Variants in TASP1 observed in about 807,000 individuals in gnomAD.
The protein encoded by TASP1 is taspase 1, also known as threonine aspartase 1.
TASP1 carries 16 observed loss-of-function variants against 56.6 expected under a neutral mutation model. That is an observed-to-expected ratio of 0.28 (90% confidence interval 0.19 to 0.43). TASP1 has a LOEUF of 0.43. Ranked by LOEUF, TASP1 falls within the 20% of genes least tolerant of loss-of-function variation. The pLI, the probability that TASP1 is intolerant of heterozygous loss-of-function variation, is 1.00. For synonymous variants in TASP1, 179 were observed against 184.2 expected, an observed-to-expected ratio of 0.97 and a Z score of 0.23; for missense variants, 393 against 511.6, an observed-to-expected ratio of 0.77 and a Z score of 2.24.
At chr20:13,158,368 G>A in the TASP1 span, among the ~76,000 whole-genome samples, 4 of 152,088 alleles carry the variant, frequency 2.6e-5, no homozygotes, top group Admixed American at 6.5e-5. Context: ...CCAGGGAGAC[G>A]CCAGGTTAGA....
intron 11 of TASP1, among the ~76,000 whole-genome samples, chr20:13,443,908 GGAGTA>G (rs2043306826): frequency 6.6e-6 from 1 of 152,164 alleles, no homozygotes; most frequent in South Asian, 2.1e-4. Context: ...CAAGGCCAGT[GGAGTA>G]GAGTTAGGAT....
the TASP1 span, among the ~76,000 whole-genome samples, chr20:13,152,382 A>G: frequency 1.2e-3 from 188 of 152,276 alleles, 1 homozygote; most frequent in South Asian, 2.5e-3. Context: ...TGAATTACTC[A>G]TGACACATTT....
chr20:13,539,764 G>A (rs370833471), intron 8 of TASP1, among the ~76,000 whole-genome samples: 3 of 152,142 alleles, frequency 2.0e-5, no homozygotes, highest in Non-Finnish European at 2.9e-5. Flanking sequence ...AGCAAAGGAC[G>A]ATGTTTTCTA....
At chr20:13,172,245 T>C in the TASP1 span, among the ~76,000 whole-genome samples, 1 of 152,158 alleles carries the variant, frequency 6.6e-6, no homozygotes, top group South Asian at 2.1e-4. Context: ...CTTCATAAAA[T>C]TTTTACTATC....
intron 5 of TASP1, among the ~76,000 whole-genome samples, chr20:13,586,070 G>T (rs1415325543): frequency 1.3e-5 from 2 of 151,214 alleles, no homozygotes; most frequent in African/African-American, 4.9e-5. Context: ...AGGAGGCAGA[G>T]GTTGCAGTGA....
chr20:13,244,110 T>C, the TASP1 span: 1 of 152,184 alleles, frequency 6.6e-6, no homozygotes, highest in South Asian at 2.1e-4. Flanking sequence ...CCAAACAAGG[T>C]ACTTTGCTAT....
chr20:13,497,841 A>G (rs569587182), intron 10 of TASP1, among the ~76,000 whole-genome samples: 21 of 152,316 alleles, frequency 1.4e-4, no homozygotes, highest in South Asian at 2.1e-4. Context: ...ATACACCTAC[A>G]ACCATCTGAC....
chr20:13,158,771 T>C, the TASP1 span, among the ~76,000 whole-genome samples: 5 of 152,168 alleles, frequency 3.3e-5, no homozygotes, highest in Non-Finnish European at 1.5e-5. Context: ...GCAGTCTCCA[T>C]TGCTTCATCT....
intron 11 of TASP1, among the ~76,000 whole-genome samples, chr20:13,443,530 C>G (rs1409162724): frequency 6.6e-6 from 1 of 152,146 alleles, no homozygotes; most frequent in African/African-American, 2.4e-5. Context: ...CCCTTAAATA[C>G]CTAAGTCTGT....
the TASP1 span, among the ~76,000 whole-genome samples, chr20:13,278,891 A>G: frequency 2.0e-5 from 3 of 152,130 alleles, no homozygotes. Flanking sequence ...CTCTCTTTAC[A>G]TGGTCTCTAC....
At chr20:13,343,375 T>A in the TASP1 span, among the ~76,000 whole-genome samples, 1 of 152,228 alleles carries the variant, frequency 6.6e-6, no homozygotes, top group Admixed American at 6.5e-5. Flanking sequence ...AGGTACTTGG[T>A]TTTTGGCTCT....
intron 4 of TASP1, among the ~76,000 whole-genome samples, chr20:13,613,028 G>C (rs778319510): frequency 6.6e-6 from 1 of 152,056 alleles, no homozygotes; most frequent in Admixed American, 6.6e-5. Context: ...TGGAAAAAAT[G>C]CTCAATGAAA....
intron 10 of TASP1, among the ~76,000 whole-genome samples, chr20:13,521,324 CG>C (rs1345018539): frequency 6.6e-6 from 1 of 152,116 alleles, no homozygotes; most frequent in Non-Finnish European, 1.5e-5. Context: ...CACATGCACA[CG>C]TATGTTTACT....
chr20:13,131,697 T>G, the TASP1 span, among the ~76,000 whole-genome samples: 3 of 152,204 alleles, frequency 2.0e-5, no homozygotes. Flanking sequence ...CTCACCTGGA[T>G]TCCTGGAGTA....
At chr20:13,166,370 G>T in the TASP1 span, 2 of 152,418 alleles carry the variant, frequency 1.3e-5, no homozygotes, top group Non-Finnish European at 2.9e-5. Context: ...TTTTTATGGG[G>T]AAATTATAAC....
the TASP1 span, among the ~76,000 whole-genome samples, chr20:13,338,745 A>C: frequency 1.3e-5 from 2 of 152,308 alleles, no homozygotes; most frequent in South Asian, 4.1e-4. Flanking sequence ...GCATTCCTTG[A>C]AGATATCCAA....
At chr20:13,318,308 C>A in the TASP1 span, among the ~76,000 whole-genome samples, 1 of 151,934 alleles carries the variant, frequency 6.6e-6, no homozygotes, top group Non-Finnish European at 1.5e-5. Flanking sequence ...GGCCAAAATC[C>A]AAAACATTGA....
At chr20:13,519,682 A>C (rs957105248) in intron 10 of TASP1, among the ~76,000 whole-genome samples, 8 of 152,166 alleles carry the variant, frequency 5.3e-5, no homozygotes, top group Non-Finnish European at 1.2e-4. Context: ...ATGGGCAAAA[A>C]CTGGAAGCAT....
At chr20:13,360,979 T>C in the TASP1 span, among the ~76,000 whole-genome samples, 20 of 152,270 alleles carry the variant, frequency 1.3e-4, no homozygotes, top group Non-Finnish European at 2.1e-4. Context: ...CAAAGGCAGG[T>C]TATGCTATAG....
Sources: allele counts gnomAD v4.1 joint callset (sites outside exome capture counted in the v4.1 genomes callset), GRCh38; gene constraint gnomAD v4.1.1; transcripts MANE v1.5; gene names NCBI Gene and HGNC (gene_info 2026-07-23, HGNC 2026-07-21).